Variants in NCK1 observed in about 807,000 individuals in gnomAD.
NCK1 encodes SH2/SH3 adapter protein NCK1.
In NCK1, 19 loss-of-function variants were observed where a neutral mutation model predicts 36.6. The observed-to-expected ratio is 0.52, with a 90% CI of 0.36 to 0.76. NCK1 has a LOEUF of 0.76. NCK1 is among the 30% of genes least tolerant of loss of function. NCK1 has a pLI of 0.00. For missense variants in NCK1, 358 were observed against 445.6 expected, an observed-to-expected ratio of 0.80 and a Z score of 1.77; for synonymous variants, 165 against 156.0, an observed-to-expected ratio of 1.06 and a Z score of -0.43.
rs537121282 is a variant in NCK1, at chr3:136,903,421, A to G, written c.-18-24563A>G. ...ATTTTAAAAAATCTATTCAATCAGT[A>G]TCTATCTTATTTATTTAATTGAGAT... On this transcript the variant is annotated intron_variant, in intron 1 of 3. Transcript: ENST00000481752. Among the ~76,000 whole-genome samples the G allele has an allele frequency of 3.3e-5, 5 of 152,242 alleles. No homozygotes were observed. The South Asian group carries it at 1.0e-3, about 32-fold the overall frequency.
At chr3:136,922,104 A>G (rs1375977855) in intron 1 of NCK1, among the ~76,000 whole-genome samples, 1 of 152,144 alleles carries the variant, frequency 6.6e-6, no homozygotes, top group Non-Finnish European at 1.5e-5. Context: ...TTTAAGGGCA[A>G]TAGGTGGTCC....
intron 1 of NCK1, among the ~76,000 whole-genome samples, chr3:136,903,461 G>A (rs777388707): frequency 5.9e-5 from 9 of 152,164 alleles, no homozygotes; most frequent in Non-Finnish European, 8.8e-5. Context: ...TTTTGCTCTT[G>A]TTGCCCAGAC....
chr3:136,863,040 G>GT (rs1189730630), intron 1 of NCK1, among the ~76,000 whole-genome samples: 1 of 149,786 alleles, frequency 6.7e-6, no homozygotes, highest in Non-Finnish European at 1.5e-5. Context: ...TAACATACAA[G>GT]TTAAATTCGC....
intron 1 of NCK1, among the ~76,000 whole-genome samples, chr3:136,888,854 G>GT (rs928453576): frequency 1.3e-5 from 2 of 151,334 alleles, no homozygotes; most frequent in Admixed American, 6.6e-5. Flanking sequence ...TTAGTTCAAT[G>GT]TTTTTTTTGT....
chr3:136,876,315 G>T (rs1007673125), intron 1 of NCK1, among the ~76,000 whole-genome samples: 10 of 152,080 alleles, frequency 6.6e-5, no homozygotes, highest in Non-Finnish European at 1.3e-4. Context: ...GAGCAGAACT[G>T]AAAGAAATAG....
rs1314023937 is a variant in NCK1 at position 136,888,275 on chromosome 3, A to G, written c.-19+25922A>G. On this transcript the variant is annotated intron_variant, in intron 1 of 3. Coordinates refer to ENST00000481752, the MANE Select transcript of NCK1 (RefSeq NM_001291999.2). The stretch of plus-strand genomic sequence containing the variant: ...CTTTATTTTATGATTCCATTCAGTC[A>G]TTAGTCTTGTCGGTTTTTAAAAAAA... Among the ~76,000 whole-genome samples, 12 of 152,038 alleles carry G rather than the reference A, an allele frequency of 7.9e-5. No individual in the cohort carries two copies. In the East Asian group the frequency reaches 2.3e-3, roughly 29 times the overall value.
chr3:136,927,933 G>C, intron 1 of NCK1, 51 bp from the exon 2 acceptor site: 1 of 1,287,758 alleles, frequency 7.8e-7, no homozygotes, highest in Non-Finnish European at 1.1e-6. Context: ...AAAAGCATGT[G>C]AACTAATACT....
chr3:136,905,183 G>C lies in NCK1; in HGVS notation c.-18-22801G>C, dbSNP rs142691135. The stretch of plus-strand genomic sequence containing the variant: ...GCCTGCCACCACACCTGGTGTGGCG[G>C]CAATTTTTTTGTATTCTTTGCAGAG... On this transcript the variant is annotated intron_variant, in intron 1 of 3. Transcript: ENST00000481752. Among the ~76,000 whole-genome samples the C allele has an allele frequency of 7.5e-3, 1,132 of 151,088 alleles. 19 individuals carry two copies. Among genetic ancestry groups the C allele is most frequent in the African/African-American group, 0.026 (1,077 of 41,168 alleles).
intron 1 of NCK1, among the ~76,000 whole-genome samples, chr3:136,893,346 T>TG (rs1358021153): frequency 1.3e-5 from 1 of 79,202 alleles, no homozygotes; most frequent in Non-Finnish European, 2.8e-5. Flanking sequence ...TGGCCATTCT[T>TG]GCAGGAGTAA....
At chr3:136,878,485 T>A (rs1938836966) in intron 1 of NCK1, among the ~76,000 whole-genome samples, 1 of 152,038 alleles carries the variant, frequency 6.6e-6, no homozygotes, top group Non-Finnish European at 1.5e-5. Context: ...TATCCAGAAA[T>A]TGTGTATTTG....
intron 2 of NCK1, among the ~76,000 whole-genome samples, chr3:136,929,211 A>T (rs557567863): frequency 6.6e-6 from 1 of 152,234 alleles, no homozygotes; most frequent in East Asian, 1.9e-4. Flanking sequence ...GGGACTACAG[A>T]TGCTTACTAC....
At chr3:136,899,498 ATCAGAATCATCC>A (rs1406147142) in intron 1 of NCK1, 1 of 417,836 alleles carries the variant, frequency 2.4e-6, no homozygotes, top group Non-Finnish European at 4.6e-6. Context: ...TCTCACCAAA[ATCAGAATCATCC>A]TCAGAATCTT....
At chr3:136,900,026 G>C in intron 1 of NCK1, 1 of 616,180 alleles carries the variant, frequency 1.6e-6, no homozygotes, top group Non-Finnish European at 3.0e-6. Flanking sequence ...TGTCAGAGTC[G>C]CCAAACTGTG....
chr3:136,910,463 T>A (rs199841142), intron 1 of NCK1, among the ~76,000 whole-genome samples: 3 of 152,210 alleles, frequency 2.0e-5, no homozygotes, highest in Non-Finnish European at 4.4e-5. Flanking sequence ...AGTAAAGTTA[T>A]GTTTAAAAAA....
At chr3:136,924,015 A>G (rs1940179171) in intron 1 of NCK1, among the ~76,000 whole-genome samples, 1 of 152,246 alleles carries the variant, frequency 6.6e-6, no homozygotes. Flanking sequence ...GAAAGCAGGT[A>G]GAGCTAGCAC....
At chr3:136,868,510 C>G (rs557316472) in intron 1 of NCK1, among the ~76,000 whole-genome samples, 20 of 150,324 alleles carry the variant, frequency 1.3e-4, no homozygotes, top group Admixed American at 4.0e-4. Flanking sequence ...GTATTTTTAG[C>G]AGAGACAGGG....
chr3:136,896,672 A>T (rs149980575), intron 1 of NCK1, among the ~76,000 whole-genome samples: 53 of 151,938 alleles, frequency 3.5e-4, no homozygotes, highest in African/African-American at 1.1e-3. Context: ...TTAAAAAAGA[A>T]TTTTTTTTGT....
chr3:136,869,038 G>C (rs1228858921), intron 1 of NCK1, among the ~76,000 whole-genome samples: 1 of 151,936 alleles, frequency 6.6e-6, no homozygotes, highest in Non-Finnish European at 1.5e-5. Flanking sequence ...AGGAGTTTGA[G>C]ACCAGCCTGG....
In NCK1 at chr3:136,946,181, A is replaced by C; in HGVS notation, c.825A>C (p.Gly275=). ...QCDYIRPSLT[G]KFAGNPWYYG... ...ATTACATTAGGCCTTCACTCACTGG[A>C]AAGTTTGCTGGCAATCCTTGGTATT... Residue 275 remains glycine, a synonymous_variant, in exon 3 of 4, where the codon GGA becomes GGC. Transcript: ENST00000481752. The C allele has an allele frequency of 6.2e-7, 1 of 1,613,594 alleles. No homozygotes were observed. Among genetic ancestry groups the C allele is most frequent in the Non-Finnish European group, 8.5e-7 (1 of 1,179,914 alleles).
Sources: gnomAD v4.1 joint callset for allele counts (sites outside exome capture counted in the v4.1 genomes callset) on GRCh38, gnomAD v4.1.1 for gene constraint, MANE v1.5 for transcripts, NCBI Gene and HGNC (gene_info 2026-07-23, HGNC 2026-07-21) for gene names.